The following DAB1 variants were observed in gnomAD, a reference collection of about 807,000 sequenced individuals.
DAB1 encodes DAB adaptor protein 1.
A neutral mutation model predicts 64.6 loss-of-function variants in DAB1; 15 were observed. That is an observed-to-expected ratio of 0.23 (90% CI 0.16 to 0.36). The LOEUF (loss-of-function observed/expected upper bound fraction) is 0.36, where lower values mean the gene tolerates loss of function less well. Ranked by LOEUF, DAB1 falls within the 10% of genes least tolerant of loss-of-function variation. The pLI is 1.00. For missense variants in DAB1, 596 were observed against 706.7 expected (o/e 0.84, Z 1.78); for synonymous variants, 235 against 251.9 (o/e 0.93, Z 0.64).
chr1:58,267,176 C>T lies in DAB1; in HGVS notation n.309+76176G>A, dbSNP rs185013095. 2.4e-3 allele frequency among the ~76,000 whole-genome samples: 360 copies of T among 152,086 alleles called. 1 individual carries two copies. Among genetic ancestry groups the T allele is most frequent in the African/African-American group, 8.1e-3 (334 of 41,486 alleles). ...TGGAGGTTGCAGTGAGCTGAGATCA[C>T]GCCACTGCACTCCAGCCTGGGCGGC... On this transcript the variant is annotated intron_variant and non_coding_transcript_variant, in intron 4 of 20. Transcript: ENST00000485760.
intron 2 of DAB1, among the ~76,000 whole-genome samples, chr1:57,252,509 G>T (rs1320856880): frequency 6.6e-6 from 1 of 152,100 alleles, no homozygotes; most frequent in Admixed American, 6.5e-5. Flanking sequence ...TAAATGTAAG[G>T]TTTATTGTCC....
chr1:57,442,630 T>G (rs1353470399), intron 7 of DAB1, among the ~76,000 whole-genome samples: 1 of 152,240 alleles, frequency 6.6e-6, no homozygotes, highest in Non-Finnish European at 1.5e-5. Flanking sequence ...TCAAGGTTAT[T>G]CCTATGAAAA....
chr1:57,190,506 T>A (rs530606674), intron 2 of DAB1, among the ~76,000 whole-genome samples: 1 of 137,132 alleles, frequency 7.3e-6, no homozygotes, highest in South Asian at 2.2e-4. Flanking sequence ...TTTTCAAGAC[T>A]TTAAGACCAC....
intron 3 of DAB1, among the ~76,000 whole-genome samples, chr1:58,379,143 C>T (rs918270526): frequency 3.3e-5 from 5 of 151,812 alleles, no homozygotes; most frequent in African/African-American, 7.3e-5. Flanking sequence ...CCGTCTTCTG[C>T]GTCGCTCACG....
At chr1:57,546,357 T>C (rs1644856986) in intron 7 of DAB1, among the ~76,000 whole-genome samples, 1 of 152,204 alleles carries the variant, frequency 6.6e-6, no homozygotes, top group Admixed American at 6.5e-5. Flanking sequence ...CTTTATCACA[T>C]ATTTTAAGTA....
At chr1:57,796,937 G>C (rs1015381536) in intron 6 of DAB1, among the ~76,000 whole-genome samples, 3 of 152,148 alleles carry the variant, frequency 2.0e-5, no homozygotes, top group African/African-American at 7.2e-5. Flanking sequence ...CTCTGCCTGG[G>C]GAGGCTAGTG....
Position 57,253,194 on chromosome 1 carries a change from G to A in DAB1, c.67+37770C>T, listed in dbSNP as rs144417528. ...CCAACCAGGGCAAGCTCTGCCTATG[G>A]ATGTGCATTAACAGAAGCGGCCACG... On this transcript the variant is annotated intron_variant, in intron 2 of 14. Coordinates refer to ENST00000371236, the MANE Select transcript of DAB1 (RefSeq NM_001365792.1). 1.6e-3 allele frequency among the ~76,000 whole-genome samples: 248 copies of A among 152,258 alleles called. 2 individuals carry two copies. The highest frequency in any genetic ancestry group is 5.7e-3 in the African/African-American group (238 of 41,532).
intron 1 of DAB1, among the ~76,000 whole-genome samples, chr1:57,357,954 C>T (rs1022160988): frequency 1.3e-5 from 2 of 151,844 alleles, no homozygotes; most frequent in Non-Finnish European, 2.9e-5. Context: ...ACAGGCAAAC[C>T]GTATTAGCAC....
chr1:58,124,482 C>T (rs1283634394), intron 5 of DAB1, among the ~76,000 whole-genome samples: 1 of 152,088 alleles, frequency 6.6e-6, no homozygotes, highest in Non-Finnish European at 1.5e-5. Context: ...CCTGTGTTTG[C>T]ATGACTGTGC....
At chr1:57,027,031 C>T (rs1035483543) in intron 9 of DAB1, among the ~76,000 whole-genome samples, 2 of 152,168 alleles carry the variant, frequency 1.3e-5, no homozygotes, top group African/African-American at 4.8e-5. Context: ...CTTAGACATA[C>T]CACTTAGTAG....
chr1:57,910,488 T>C (rs532696555), intron 5 of DAB1, among the ~76,000 whole-genome samples: 7 of 152,332 alleles, frequency 4.6e-5, no homozygotes, highest in Non-Finnish European at 1.0e-4. Flanking sequence ...TATTTTTTTT[T>C]CCACTTTCTA....
intron 2 of DAB1, among the ~76,000 whole-genome samples, chr1:57,260,031 A>G (rs1439046648): frequency 6.6e-6 from 1 of 152,184 alleles, no homozygotes; most frequent in Non-Finnish European, 1.5e-5. Flanking sequence ...AGAACCCCAC[A>G]ATATAAACAT....
At chr1:57,716,911 T>C (rs1430109650) in intron 6 of DAB1, among the ~76,000 whole-genome samples, 1 of 152,112 alleles carries the variant, frequency 6.6e-6, no homozygotes, top group East Asian at 1.9e-4. Context: ...AGGTTTAAAA[T>C]GGGGAAAAGA....
chr1:58,385,518 A>G (rs1418272118), intron 3 of DAB1, among the ~76,000 whole-genome samples: 1 of 152,138 alleles, frequency 6.6e-6, no homozygotes, highest in Non-Finnish European at 1.5e-5. Flanking sequence ...TCCTGAAGAG[A>G]TTATGTTCTA....
chr1:57,284,525 A>G (rs1250680077), intron 2 of DAB1, among the ~76,000 whole-genome samples: 1 of 152,186 alleles, frequency 6.6e-6, no homozygotes, highest in African/African-American at 2.4e-5. Flanking sequence ...AGCAGAGGTG[A>G]CTTGTCTGAA....
At chr1:57,536,165 GCCATTAATTGAT>G (rs964058705) in intron 7 of DAB1, among the ~76,000 whole-genome samples, 16 of 152,144 alleles carry the variant, frequency 1.1e-4, no homozygotes, top group African/African-American at 3.9e-4. Context: ...TTCCAGCACT[GCCATTAATTGAT>G]CCATGTCCCA....
At chr1:57,144,525 C>T (rs538619142) in intron 3 of DAB1, among the ~76,000 whole-genome samples, 2 of 152,064 alleles carry the variant, frequency 1.3e-5, no homozygotes, top group East Asian at 3.9e-4. Flanking sequence ...GAAACCCCGT[C>T]TCTACTAAAA....
At chr1:57,178,175 A>G (rs1488036882) in intron 2 of DAB1, among the ~76,000 whole-genome samples, 1 of 152,150 alleles carries the variant, frequency 6.6e-6, no homozygotes. Context: ...TCACTCTGGG[A>G]ATATTGGTAA....
chr1:58,489,302 G>T (rs957016776), intron 3 of DAB1, among the ~76,000 whole-genome samples: 1 of 152,184 alleles, frequency 6.6e-6, no homozygotes, highest in Non-Finnish European at 1.5e-5. Flanking sequence ...TATATCCCAC[G>T]CCTGGCTCAA....
Sources: gnomAD v4.1 joint callset for allele counts (sites outside exome capture counted in the v4.1 genomes callset) on GRCh38, gnomAD v4.1.1 for gene constraint, MANE v1.5 for transcripts, NCBI Gene and HGNC (gene_info 2026-07-23, HGNC 2026-07-21) for gene names.